LRRC4C: variants seen among roughly 807,000 people sequenced by gnomAD.
The protein encoded by LRRC4C is leucine rich repeat containing 4C.
Under a neutral mutation model 33.6 loss-of-function variants are expected in LRRC4C, and 5 were observed. The observed-to-expected ratio is 0.15, with a 90% CI of 0.08 to 0.31. The LOEUF is 0.31. Among genes scored for constraint, LRRC4C ranks in the 10% least tolerant of loss-of-function variants. LRRC4C has a pLI of 1.00. For missense variants in LRRC4C, 560 were observed against 796.7 expected (o/e 0.70, Z 3.58); for synonymous variants, 329 against 302.0 (o/e 1.09, Z -0.93).
intron 1 of LRRC4C, among the ~76,000 whole-genome samples, chr11:41,436,507 C>A (rs1364088664): frequency 6.6e-6 from 1 of 152,208 alleles, no homozygotes; most frequent in Non-Finnish European, 1.5e-5. Flanking sequence ...TACACAAATT[C>A]TTGACCTGTC....
At position 40,648,154 on chromosome 11, in the gene LRRC4C, G is replaced by T. The variant is rs150440677; in HGVS notation, c.-282C>A. The T allele has an allele frequency of 6.6e-6, 1 of 152,122 alleles. No homozygotes were observed. Among genetic ancestry groups the T allele is most frequent in the Admixed American group, 6.5e-5 (1 of 15,268 alleles). 9.4% of individuals were successfully genotyped at this position (152,122 alleles called of 1,614,324 possible). ...ACCTCTCACTTACCTGTAGCAAATT[G>T]TTCATGGACCCGTTTCTCTGTTTGC... is the stretch of plus-strand genomic sequence containing the variant. On this transcript the variant is annotated 5_prime_UTR_variant, in exon 3 of 7. Coordinates refer to ENST00000528697, the MANE Select transcript of LRRC4C (RefSeq NM_001258419.2).
At chr11:41,373,533 A>G (rs1952829334) in intron 1 of LRRC4C, among the ~76,000 whole-genome samples, 1 of 152,188 alleles carries the variant, frequency 6.6e-6, no homozygotes, top group East Asian at 1.9e-4. Context: ...TTGTTATAAG[A>G]CAAATATTTT....
intron 2 of LRRC4C, among the ~76,000 whole-genome samples, chr11:40,853,933 T>C (rs572706019): frequency 6.6e-6 from 1 of 152,294 alleles, no homozygotes; most frequent in Admixed American, 6.5e-5. Context: ...TCTTCCCAAA[T>C]CTGGTTAGTT....
chr11:41,071,261 CA>C (rs1299049239), intron 1 of LRRC4C, among the ~76,000 whole-genome samples: 2 of 151,904 alleles, frequency 1.3e-5, no homozygotes, highest in Non-Finnish European at 2.9e-5. Flanking sequence ...GGGTGGGATG[CA>C]AGGGTAGGGA....
chr11:40,158,296 C>T (rs1474777777), intron 5 of LRRC4C, among the ~76,000 whole-genome samples: 1 of 151,962 alleles, frequency 6.6e-6, no homozygotes, highest in African/African-American at 2.4e-5. Context: ...GGATAAAAGA[C>T]TACAAATATG....
intron 3 of LRRC4C, among the ~76,000 whole-genome samples, chr11:40,577,429 G>C (rs1420696687): frequency 6.6e-6 from 1 of 152,162 alleles, no homozygotes; most frequent in East Asian, 1.9e-4. Context: ...TAATATGCCA[G>C]GATAACAGGT....
At chr11:41,335,362 T>C (rs1951421015) in intron 1 of LRRC4C, among the ~76,000 whole-genome samples, 1 of 152,170 alleles carries the variant, frequency 6.6e-6, no homozygotes, top group Admixed American at 6.5e-5. Flanking sequence ...CTTTCATTCC[T>C]TCCTACCAAA....
At chr11:41,155,030 T>A (rs189471890) in intron 1 of LRRC4C, among the ~76,000 whole-genome samples, 5 of 152,178 alleles carry the variant, frequency 3.3e-5, no homozygotes, top group Admixed American at 3.3e-4. Context: ...ATTTAACTGG[T>A]TTGTATTAGA....
intron 2 of LRRC4C, among the ~76,000 whole-genome samples, chr11:40,917,517 G>A (rs147170577): frequency 1.6e-4 from 24 of 152,164 alleles, no homozygotes; most frequent in Non-Finnish European, 2.5e-4. Flanking sequence ...TAAATTATGC[G>A]TTGTATGCCA....
chr11:41,281,735 T>A (rs1007779588), intron 1 of LRRC4C, among the ~76,000 whole-genome samples: 15 of 152,214 alleles, frequency 9.9e-5, no homozygotes, highest in Non-Finnish European at 2.9e-5. Context: ...GATTCTCATA[T>A]GCAACCTAGG....
chr11:40,709,714 C>T (rs1218722703), intron 2 of LRRC4C, among the ~76,000 whole-genome samples: 2 of 151,988 alleles, frequency 1.3e-5, no homozygotes, highest in African/African-American at 4.8e-5. Flanking sequence ...CTCTGTATTT[C>T]CTGAATTTGA....
intron 3 of LRRC4C, among the ~76,000 whole-genome samples, chr11:40,617,453 T>A (rs1362927305): frequency 6.6e-6 from 1 of 151,688 alleles, no homozygotes; most frequent in Non-Finnish European, 1.5e-5. Context: ...TAGTGTAAAT[T>A]ATTGCCTAGG....
intron 1 of LRRC4C, among the ~76,000 whole-genome samples, chr11:41,063,182 T>C (rs1383032200): frequency 6.6e-6 from 1 of 152,342 alleles, no homozygotes; most frequent in Non-Finnish European, 1.5e-5. Flanking sequence ...TTAACCATCC[T>C]GCAAAGTAAG....
At chr11:41,413,024 A>T (rs1271674915) in intron 1 of LRRC4C, among the ~76,000 whole-genome samples, 3 of 148,002 alleles carry the variant, frequency 2.0e-5, no homozygotes, top group Non-Finnish European at 4.4e-5. Flanking sequence ...TGGCATGTTT[A>T]TTTTTCTTAC....
chr11:40,426,718 G>C (rs1294638778), intron 3 of LRRC4C, among the ~76,000 whole-genome samples: 3 of 152,152 alleles, frequency 2.0e-5, no homozygotes, highest in Non-Finnish European at 4.4e-5. Flanking sequence ...AATGTATCCT[G>C]AATACTTAGA....
chr11:41,090,610 A>G (rs1480878056), intron 1 of LRRC4C, among the ~76,000 whole-genome samples: 1 of 152,102 alleles, frequency 6.6e-6, no homozygotes, highest in Non-Finnish European at 1.5e-5. Flanking sequence ...ATGTGTTAAA[A>G]TGGTTTGGCT....
intron 5 of LRRC4C, among the ~76,000 whole-genome samples, chr11:40,215,796 G>A (rs1863931453): frequency 6.6e-6 from 1 of 152,134 alleles, no homozygotes; most frequent in African/African-American, 2.4e-5. Flanking sequence ...CCAAGCTCAG[G>A]ACTGGCTCAA....
At chr11:40,983,452 T>C (rs1419356790) in intron 1 of LRRC4C, among the ~76,000 whole-genome samples, 1 of 152,172 alleles carries the variant, frequency 6.6e-6, no homozygotes, top group Non-Finnish European at 1.5e-5. Flanking sequence ...GACACAGGCA[T>C]GGGCAAAGAT....
At chr11:40,526,086 G>T (rs1956037032) in intron 3 of LRRC4C, among the ~76,000 whole-genome samples, 1 of 151,242 alleles carries the variant, frequency 6.6e-6, no homozygotes, top group South Asian at 2.1e-4. Context: ...AAAAAAAAAA[G>T]TACTAGGTGT....
Sources: gnomAD v4.1 joint callset for allele counts (sites outside exome capture counted in the v4.1 genomes callset) on GRCh38, gnomAD v4.1.1 for gene constraint, MANE v1.5 for transcripts, NCBI Gene and HGNC (gene_info 2026-07-23, HGNC 2026-07-21) for gene names.